Variants in HPS4 observed in about 807,000 individuals in gnomAD.
HPS4 encodes BLOC-3 complex member HPS4.
In HPS4, 44 loss-of-function variants were observed where a neutral mutation model predicts 70.3. The ratio of observed to expected loss-of-function variants is 0.63; its 90% confidence interval spans 0.49 to 0.80. HPS4 has a LOEUF of 0.80. Ranked by LOEUF, HPS4 falls within the 30% of genes least tolerant of loss-of-function variation. The pLI is 0.00. For synonymous variants in HPS4, 377 were observed against 355.9 expected (o/e 1.06, Z -0.67); for missense variants, 873 against 884.4 (o/e 0.99, Z 0.16).
In HPS4 at chr22:26,470,710, G is replaced by A; in HGVS notation, c.596+9C>T. On this transcript the variant is annotated intron_variant, in intron 7 of 13. Coordinates refer to ENST00000398145, the MANE Select transcript of HPS4 (RefSeq NM_022081.6). ...TGGGGCTGGAAGAAAGGGGTCTGGA[G>A]TTACTCACAGTCCTTTATAGAGGAT... is the stretch of plus-strand genomic sequence containing the variant. 1 of 1,612,924 alleles carries A rather than the reference G, an allele frequency of 6.2e-7. No homozygotes were observed. Among genetic ancestry groups the A allele is most frequent in the Non-Finnish European group, 8.5e-7 (1 of 1,179,538 alleles).
chr22:26,460,991 C>A (rs1371716419), intron 11 of HPS4, among the ~76,000 whole-genome samples: 1 of 152,222 alleles, frequency 6.6e-6, no homozygotes, highest in Non-Finnish European at 1.5e-5. Context: ...TATTTGCTTT[C>A]TGGTCCTTTA....
At chr22:26,476,862 G>A (rs1185956499) in intron 4 of HPS4, 131 bp downstream of exon 4, 3 of 942,240 alleles carry the variant, frequency 3.2e-6, no homozygotes, top group Non-Finnish European at 5.1e-6. Flanking sequence ...GGAAGCGAGG[G>A]TGATTACTAA....
intron 11 of HPS4, among the ~76,000 whole-genome samples, chr22:26,462,373 G>T (rs2087478991): frequency 6.6e-6 from 1 of 152,204 alleles, no homozygotes; most frequent in Admixed American, 6.5e-5. Context: ...AGGGCAGTGG[G>T]GGGACAGAGA....
chr22:26,472,998 A>C, intron 4 of HPS4, 59 bp from the exon 5 acceptor site: 1 of 1,469,224 alleles, frequency 6.8e-7, no homozygotes, highest in Non-Finnish European at 9.5e-7. Flanking sequence ...CCAAGCCCAG[A>C]ATCCTGGCAT....
At chr22:26,479,223 C>T (rs1299489722) in intron 3 of HPS4, 42 bp downstream of exon 3, 3 of 1,603,312 alleles carry the variant, frequency 1.9e-6, no homozygotes, top group African/African-American at 1.3e-5. Context: ...CACTTGGAGG[C>T]ACTGGGATCC....
intron 6 of HPS4, among the ~76,000 whole-genome samples, chr22:26,471,941 T>C (rs1468802928): frequency 1.3e-5 from 2 of 152,232 alleles, no homozygotes; most frequent in Non-Finnish European, 2.9e-5. Context: ...CTGGGCATTT[T>C]TGATGCTGAG....
intron 2 of HPS4, among the ~76,000 whole-genome samples, chr22:26,480,194 G>A (rs1289941221): frequency 1.3e-5 from 2 of 152,074 alleles, no homozygotes; most frequent in Non-Finnish European, 2.9e-5. Context: ...GTTTTTACAG[G>A]GTCTCACTTT....
chr22:26,467,672 C>A (rs926034046), intron 8 of HPS4: 1 of 152,106 alleles, frequency 6.6e-6, no homozygotes, highest in South Asian at 2.1e-4. Flanking sequence ...TTCACTAATA[C>A]ATGTAAAAAG....
chr22:26,473,537 G>A (rs1176183293), intron 4 of HPS4, among the ~76,000 whole-genome samples: 3 of 152,152 alleles, frequency 2.0e-5, no homozygotes, highest in East Asian at 1.9e-4. Context: ...AGTGGATCAC[G>A]AGGTCAAGAG....
Position 26,464,389 on chromosome 22 carries a change from G to A in HPS4, c.1241C>T (p.Pro414Leu). Reference protein sequence around the residue: ...ASLSASSSLEPTPPEDTAISS... With the variant: ...ASLSASSSLELTPPEDTAISS... The stretch of plus-strand genomic sequence containing the variant: ...GATGGCTGTGTCCTCAGGAGGCGTG[G>A]GTTCCAGGCTGCTGGAGGCGCTGAG... Residue 414 changes from proline to leucine, a missense_variant, in exon 11 of 14, where the codon CCC (proline) becomes CTC (leucine). Transcript: ENST00000398145. The A allele has an allele frequency of 6.2e-7, 1 of 1,614,180 alleles. No individual in the cohort carries two copies. The highest frequency in any genetic ancestry group is 8.5e-7 in the Non-Finnish European group (1 of 1,180,038).
chr22:26,477,172 A>C, intron 3 of HPS4, 36 bp from the exon 4 acceptor site: 1 of 1,613,016 alleles, frequency 6.2e-7, no homozygotes. Flanking sequence ...TAGGAAGCTG[A>C]AATTCTTGAA....
At chr22:26,476,185 T>C (rs2090521613) in intron 4 of HPS4, 1 of 152,188 alleles carries the variant, frequency 6.6e-6, no homozygotes, top group Admixed American at 6.5e-5. Flanking sequence ...TGTTCAGTAC[T>C]TTAAAAAATT....
At chr22:26,460,675 T>C (rs2087068270) in intron 11 of HPS4, among the ~76,000 whole-genome samples, 1 of 152,196 alleles carries the variant, frequency 6.6e-6, no homozygotes, top group South Asian at 2.1e-4. Context: ...AGATGACATG[T>C]GGATAATTTT....
downstream of HPS4, among the ~76,000 whole-genome samples, chr22:26,448,933 A>C (rs1555884516): frequency 6.6e-6 from 1 of 152,154 alleles, no homozygotes; most frequent in Non-Finnish European, 1.5e-5. Flanking sequence ...CAGAATCAAG[A>C]AGCAAAGCAG....
chr22:26,456,694 G>A (rs143364222), intron 13 of HPS4, among the ~76,000 whole-genome samples: 99 of 81,988 alleles, frequency 1.2e-3, no homozygotes, highest in African/African-American at 3.6e-3. Context: ...TGACCAGATG[G>A]TTCCAAGGAC....
In HPS4 at chr22:26,465,493, G is replaced by A. The variant is rs886057318; in HGVS notation, c.765C>T (p.Ala255=). ...CCACCGGGAACTCGTGGAGACTAAT[G>A]GCTTCCTCTTTGGTCACAAAAACAG... is the stretch of plus-strand genomic sequence containing the variant. ...IIPVFVTKEE[A]ISLHEFPVEQ... is the part of the protein sequence containing the mutation. Residue 255 remains alanine, a synonymous_variant, in exon 10 of 14, where the codon GCC becomes GCT. Transcript: ENST00000398145. 3.5e-5 allele frequency: 56 copies of A among 1,614,052 alleles called. No individual in the cohort carries two copies. Among genetic ancestry groups the A allele is most frequent in the Non-Finnish European group, 4.7e-5 (56 of 1,179,920 alleles).
intron 7 of HPS4, among the ~76,000 whole-genome samples, chr22:26,469,256 G>A (rs2089323386): frequency 1.6e-5 from 2 of 122,582 alleles, no homozygotes; most frequent in East Asian, 2.4e-4. Flanking sequence ...AGACCTCCAT[G>A]AGCAACATAG....
intron 13 of HPS4, among the ~76,000 whole-genome samples, chr22:26,454,296 G>C (rs185703537): frequency 6.6e-6 from 1 of 152,234 alleles, no homozygotes; most frequent in Non-Finnish European, 1.5e-5. Flanking sequence ...AGATGGTTAT[G>C]AGCATGGATC....
Position 26,457,918 on chromosome 22 carries a change from G to C in HPS4, c.1896C>G (p.Ala632=). The C allele has an allele frequency of 1.2e-6, 2 of 1,614,158 alleles. No homozygotes were observed. The highest frequency in any genetic ancestry group is 2.2e-5 in the East Asian group (1 of 44,884). The change falls in exon 13 of 14, where the codon GCC becomes GCG. Residue 632 remains alanine (A), a synonymous_variant. Transcript: ENST00000398145. ...CAAATTCGCTATGCATCAGGCTGACGGCCTGGAGGAAGCGGCGATCCTGCG... is the reference window on the plus strand; with the variant it reads ...CAAATTCGCTATGCATCAGGCTGACCGCCTGGAGGAAGCGGCGATCCTGCG... ...ATPQDRRFLQ[A]VSLMHSEFAQ...
Sources: gnomAD v4.1 joint callset for allele counts (sites outside exome capture counted in the v4.1 genomes callset) on GRCh38, gnomAD v4.1.1 for gene constraint, MANE v1.5 for transcripts, NCBI Gene and HGNC (gene_info 2026-07-23, HGNC 2026-07-21) for gene names.